OPCML: variants seen among roughly 807,000 people sequenced by gnomAD.
OPCML encodes opioid binding protein/cell adhesion molecule like, also known as opioid-binding protein/cell adhesion molecule.
Under a neutral mutation model 37.8 loss-of-function variants are expected in OPCML, and 13 were observed. That is an observed-to-expected ratio of 0.34 (90% CI 0.22 to 0.55). The LOEUF (loss-of-function observed/expected upper bound fraction) is 0.55, where lower values mean the gene tolerates loss of function less well. OPCML is among the 20% of genes least tolerant of loss of function. The probability of loss-of-function intolerance (pLI) is 0.91; values close to 1 mark genes in which losing one functional copy is unlikely to be tolerated. For synonymous variants in OPCML, 176 were observed against 168.8 expected (o/e 1.04, Z -0.33); for missense variants, 341 against 435.6 (o/e 0.78, Z 1.93).
At chr11:133,410,513 C>CTGCATA (rs1255677928) in intron 1 of OPCML, among the ~76,000 whole-genome samples, 1 of 151,154 alleles carries the variant, frequency 6.6e-6, no homozygotes, top group Non-Finnish European at 1.5e-5. Context: ...TCGAGAAAGG[C>CTGCATA]TGCATAGCAT....
chr11:132,725,887 C>T (rs764865602), intron 2 of OPCML, among the ~76,000 whole-genome samples: 4 of 152,124 alleles, frequency 2.6e-5, no homozygotes, highest in Non-Finnish European at 4.4e-5. Context: ...TGCTACCAGT[C>T]TCTTTGCTAA....
intron 2 of OPCML, among the ~76,000 whole-genome samples, chr11:132,884,692 TGCAAGC>T (rs1480757697): frequency 6.6e-6 from 1 of 152,206 alleles, no homozygotes; most frequent in East Asian, 1.9e-4. Flanking sequence ...TATAGCTTTG[TGCAAGC>T]TTTCATTAGT....
chr11:133,451,778 G>T (rs1946584850), intron 1 of OPCML, among the ~76,000 whole-genome samples: 1 of 151,188 alleles, frequency 6.6e-6, no homozygotes, highest in Non-Finnish European at 1.5e-5. Flanking sequence ...GGAGGTGGAG[G>T]TTGCAGTGAG....
intron 2 of OPCML, among the ~76,000 whole-genome samples, chr11:132,676,196 A>C (rs1330362477): frequency 6.6e-6 from 1 of 152,180 alleles, no homozygotes; most frequent in Non-Finnish European, 1.5e-5. Flanking sequence ...AGGGGAAATA[A>C]TAGTATTTTA....
intron 1 of OPCML, among the ~76,000 whole-genome samples, chr11:133,250,695 A>G (rs1941103070): frequency 6.6e-6 from 1 of 152,254 alleles, no homozygotes; most frequent in African/African-American, 2.4e-5. Flanking sequence ...GAAAGAATAC[A>G]GTGTTTACCA....
At position 132,996,055 on chromosome 11, in the gene OPCML, C is replaced by T. The variant is rs186954252; in HGVS notation, c.62-53045G>A. ...CCCCCTGCCATCCATGGGTCTTGCT[C>T]GGCTCCCTGCTGCCTAGGGAGCACG... On this transcript the variant is annotated intron_variant, in intron 1 of 7. Transcript: ENST00000524381. Among the ~76,000 whole-genome samples the T allele has an allele frequency of 1.1e-4, 16 of 152,230 alleles. No homozygotes were observed. In the East Asian group the frequency reaches 2.5e-3, roughly 24 times the overall value.
At chr11:133,376,325 T>A (rs1229364115) in intron 1 of OPCML, among the ~76,000 whole-genome samples, 3 of 152,102 alleles carry the variant, frequency 2.0e-5, no homozygotes, top group Non-Finnish European at 4.4e-5. Flanking sequence ...TACACAAACA[T>A]GATAGCAACA....
rs185158749 is a variant in OPCML at position 133,363,584 on chromosome 11, C to T, written c.61+168680G>A. 7.7e-3 allele frequency among the ~76,000 whole-genome samples: 1,170 copies of T among 152,304 alleles called. 7 individuals are homozygous for T. The highest frequency in any genetic ancestry group is 0.012 in the Non-Finnish European group (836 of 68,020). On this transcript the variant is annotated intron_variant, in intron 1 of 7. Transcript: ENST00000524381. ...CCATTTTCTCCTTTCAAGATGCTGT[C>T]GGGTTGGGGAGGTGCAGAGGCACAG...
intron 1 of OPCML, among the ~76,000 whole-genome samples, chr11:132,949,029 A>C (rs1043638172): frequency 3.9e-5 from 6 of 152,228 alleles, no homozygotes; most frequent in African/African-American, 1.4e-4. Context: ...TCCTTGCCAG[A>C]GGGAACTTTC....
At position 133,010,928 on chromosome 11, in the gene OPCML, G is replaced by A. The variant is rs61630291; in HGVS notation, c.62-67918C>T. 1.9e-3 allele frequency among the ~76,000 whole-genome samples: 283 copies of A among 152,300 alleles called. 6 individuals are homozygous for A. In the East Asian group the frequency reaches 0.033, roughly 18 times the overall value. On this transcript the variant is annotated intron_variant, in intron 1 of 7. Coordinates refer to ENST00000524381, the MANE Select transcript of OPCML (RefSeq NM_001012393.5). Reference sequence around the variant, plus strand: ...AGGGAATTTATTTGTGTGTAAGTTCGTAATAAGTTCACATAATCAAACAGC... The same window carrying A: ...AGGGAATTTATTTGTGTGTAAGTTCATAATAAGTTCACATAATCAAACAGC...
intron 1 of OPCML, among the ~76,000 whole-genome samples, chr11:133,203,273 C>T (rs1938882588): frequency 6.6e-6 from 1 of 152,208 alleles, no homozygotes. Flanking sequence ...ATAACAGCTG[C>T]CTGGCAGCCC....
intron 1 of OPCML, chr11:133,024,376 A>C (rs560841415): frequency 1.0e-6 from 1 of 985,288 alleles, no homozygotes; most frequent in South Asian, 4.7e-5. Context: ...ATTGAACTTA[A>C]CTCATTAGGA....
chr11:132,739,873 T>C (rs1311599885), intron 2 of OPCML, among the ~76,000 whole-genome samples: 3 of 152,194 alleles, frequency 2.0e-5, no homozygotes, highest in Non-Finnish European at 2.9e-5. Context: ...AGTGTTTTGG[T>C]ACAGCTCAGT....
chr11:132,544,877 G>A (rs2096365354), intron 3 of OPCML, among the ~76,000 whole-genome samples: 1 of 152,098 alleles, frequency 6.6e-6, no homozygotes, highest in Admixed American at 6.5e-5. Flanking sequence ...ATTTCTCGCT[G>A]TACTCAGGGA....
At chr11:133,045,886 T>C (rs1241684376) in intron 1 of OPCML, among the ~76,000 whole-genome samples, 1 of 152,202 alleles carries the variant, frequency 6.6e-6, no homozygotes, top group East Asian at 1.9e-4. Context: ...GATGGCTCAA[T>C]AGTCACCTGC....
chr11:132,998,225 A>C (rs543552632), intron 1 of OPCML, among the ~76,000 whole-genome samples: 2 of 152,244 alleles, frequency 1.3e-5, no homozygotes, highest in East Asian at 3.9e-4. Flanking sequence ...ATAATCTGCA[A>C]ATGTGTCCTC....
chr11:132,665,509 C>T (rs1942180190), intron 2 of OPCML, among the ~76,000 whole-genome samples: 2 of 152,254 alleles, frequency 1.3e-5, no homozygotes, highest in South Asian at 2.1e-4. Flanking sequence ...GGAAAGATGG[C>T]TCCACAAAGA....
At position 132,415,910 on chromosome 11, in the gene OPCML, C is replaced by T. The variant is rs1340720941; in HGVS notation, c.*4283G>A. 6.6e-6 allele frequency: 1 copy of T among 152,608 alleles called. No homozygotes were observed. Among genetic ancestry groups the T allele is most frequent in the Non-Finnish European group, 1.5e-5 (1 of 68,038 alleles). The allele number at this position is 152,608 out of a possible 1,614,324, so 9.5% of individuals were successfully genotyped here. ...GCATGTGGTGATCATTAGGCGTTCTCATCATATGGTCTCTTTTTGAAAATG... is the reference window on the plus strand; with the variant it reads ...GCATGTGGTGATCATTAGGCGTTCTTATCATATGGTCTCTTTTTGAAAATG... On this transcript the variant is annotated 3_prime_UTR_variant, in exon 8 of 8. Transcript: ENST00000524381.
At chr11:133,124,213 T>G (rs1485551777) in intron 1 of OPCML, among the ~76,000 whole-genome samples, 1 of 152,144 alleles carries the variant, frequency 6.6e-6, no homozygotes, top group African/African-American at 2.4e-5. Context: ...ATTTATTCTC[T>G]GATTCTCTTA....
Sources: gnomAD v4.1 joint callset for allele counts (sites outside exome capture counted in the v4.1 genomes callset) on GRCh38, gnomAD v4.1.1 for gene constraint, MANE v1.5 for transcripts, NCBI Gene and HGNC (gene_info 2026-07-23, HGNC 2026-07-21) for gene names.